Variants in LINGO1 observed in about 807,000 individuals in gnomAD.
LINGO1 encodes leucine rich repeat and Ig domain containing 1, also known as leucine-rich repeat and immunoglobulin-like domain-containing nogo receptor-interacting protein 1.
Under a neutral mutation model 37.3 loss-of-function variants are expected in LINGO1, and 11 were observed. The observed-to-expected ratio is 0.29, with a 90% confidence interval of 0.19 to 0.49. The LOEUF is 0.49. Among genes scored for constraint, LINGO1 ranks in the 20% least tolerant of loss-of-function variants. The probability of loss-of-function intolerance (pLI) is 0.99; values close to 1 mark genes in which losing one functional copy is unlikely to be tolerated. For missense variants in LINGO1, 585 were observed against 878.2 expected, an observed-to-expected ratio of 0.67 and a Z score of 4.22; for synonymous variants, 387 against 403.0, an observed-to-expected ratio of 0.96 and a Z score of 0.48.
chr15:77,679,566 T>C (rs1193353614), intron 2 of LINGO1, among the ~76,000 whole-genome samples: 1 of 152,138 alleles, frequency 6.6e-6, no homozygotes, highest in Non-Finnish European at 1.5e-5. Flanking sequence ...AGAGATGCTA[T>C]CAATACTCCC....
chr15:77,804,504 T>C (rs192634538), intron 1 of LINGO1, among the ~76,000 whole-genome samples: 1 of 152,290 alleles, frequency 6.6e-6, no homozygotes, highest in Non-Finnish European at 1.5e-5. Flanking sequence ...ACAGGCTGGA[T>C]AGGCAGAGGT....
chr15:77,621,542 G>C (rs1015589243), intron 1 of LINGO1, among the ~76,000 whole-genome samples: 1 of 152,150 alleles, frequency 6.6e-6, no homozygotes, highest in Non-Finnish European at 1.5e-5. Context: ...TGCCTGGTGC[G>C]ACACAGGGCT....
chr15:77,762,113 T>C (rs1248041490), intron 1 of LINGO1, among the ~76,000 whole-genome samples: 1 of 152,202 alleles, frequency 6.6e-6, no homozygotes, highest in African/African-American at 2.4e-5. Context: ...TGAGGCTTCC[T>C]GGTACTTGAG....
rs1465261241 is a variant in LINGO1, at chr15:77,615,324, G to T, written c.583C>A (p.Gln195Lys). ...RAFSGLNSLE[Q>K]LTLEKCNLTS... ...AGGTTGCATTTCTCCAGCGTCAGCT[G>T]CTCCAGGCTGTTGAGGCCGCTGAAG... Residue 195 changes from glutamine to lysine, a missense_variant, in exon 2 of 2, where the codon CAG (glutamine) becomes AAG (lysine). Physicochemically the swap from Gln to Lys is moderately conservative, Grantham distance 53 (BLOSUM62 1). This residue lies in a region of LINGO1 where 484 missense variants were observed against 735.0 expected (regional missense o/e 0.66). Transcript: ENST00000355300. 3.1e-6 allele frequency: 5 copies of T among 1,613,718 alleles called. No individual in the cohort carries two copies. In the African/African-American group the frequency reaches 4.0e-5, roughly 13 times the overall value.
intron 2 of LINGO1, among the ~76,000 whole-genome samples, chr15:77,681,882 C>A (rs1369961464): frequency 6.6e-6 from 1 of 152,100 alleles, no homozygotes; most frequent in Non-Finnish European, 1.5e-5. Context: ...CCCAATGAGC[C>A]CCCTGGGCTA....
intron 2 of LINGO1, among the ~76,000 whole-genome samples, chr15:77,724,459 C>T (rs1029774460): frequency 2.6e-5 from 4 of 152,232 alleles, no homozygotes; most frequent in South Asian, 2.1e-4. Context: ...CAACTAATGT[C>T]GAACACATTC....
intron 1 of LINGO1, among the ~76,000 whole-genome samples, chr15:77,775,432 A>G (rs2076627238): frequency 6.6e-6 from 1 of 151,998 alleles, no homozygotes; most frequent in South Asian, 2.1e-4. Context: ...CCTGCCTGCC[A>G]CCTCCTGTTA....
chr15:77,665,343 C>T (rs2075106872), intron 3 of LINGO1, among the ~76,000 whole-genome samples: 1 of 152,180 alleles, frequency 6.6e-6, no homozygotes, highest in Non-Finnish European at 1.5e-5. Context: ...ACCCTGACAG[C>T]TAGAGCCCTG....
chr15:77,685,492 T>C (rs559876848), intron 2 of LINGO1, among the ~76,000 whole-genome samples: 1 of 152,256 alleles, frequency 6.6e-6, no homozygotes, highest in South Asian at 2.1e-4. Context: ...ACCAGTGAAC[T>C]TGTGTGCACA....
chr15:77,691,764 T>C (rs939593871), intron 1 of LINGO1, among the ~76,000 whole-genome samples: 1 of 151,814 alleles, frequency 6.6e-6, no homozygotes, highest in Non-Finnish European at 1.5e-5. Flanking sequence ...CAAGAGAGTA[T>C]TACACAGCCA....
upstream of LINGO1, chr15:77,696,551 GCA>G (rs1226670509): frequency 6.6e-6 from 1 of 152,506 alleles, no homozygotes; most frequent in Non-Finnish European, 1.5e-5. Context: ...ATGGAGCCCA[GCA>G]CAGAGTGGAC....
chr15:77,647,451 T>C (rs2074658891), intron 3 of LINGO1, among the ~76,000 whole-genome samples: 1 of 152,064 alleles, frequency 6.6e-6, no homozygotes, highest in South Asian at 2.1e-4. Context: ...GAGGAGACAG[T>C]CTTGCAGGAG....
chr15:77,701,324 G>C (rs570354583), upstream of LINGO1, among the ~76,000 whole-genome samples: 2 of 152,270 alleles, frequency 1.3e-5, no homozygotes, highest in South Asian at 4.2e-4. Flanking sequence ...AAGGTGGTCT[G>C]GCAGCCTGAG....
At chr15:77,652,770 A>G (rs1307609028) in intron 3 of LINGO1, among the ~76,000 whole-genome samples, 4 of 152,232 alleles carry the variant, frequency 2.6e-5, no homozygotes, top group East Asian at 3.9e-4. Context: ...ACAGTGCGGG[A>G]GGAGGGAAGG....
chr15:77,705,174 G>GACACACACACACACACACAAAC (rs2075834782), intron 2 of LINGO1, among the ~76,000 whole-genome samples: 1 of 99,090 alleles, frequency 1.0e-5, no homozygotes, highest in South Asian at 3.5e-4. Context: ...CCCCTGCCAT[G>GACACACACACACACACACAAAC]ACACACACAC....
chr15:77,744,041 T>C (rs1003305566), intron 1 of LINGO1, among the ~76,000 whole-genome samples: 1 of 152,198 alleles, frequency 6.6e-6, no homozygotes, highest in Non-Finnish European at 1.5e-5. Flanking sequence ...GGTCCTGCTC[T>C]TAAAGAGCCT....
intron 3 of LINGO1, among the ~76,000 whole-genome samples, chr15:77,675,718 A>C (rs1027497315): frequency 6.6e-6 from 1 of 152,218 alleles, no homozygotes; most frequent in African/African-American, 2.4e-5. Flanking sequence ...AGATAGATAC[A>C]TACATAGATA....
chr15:77,723,500 G>C (rs1309465182), intron 2 of LINGO1, among the ~76,000 whole-genome samples: 1 of 152,202 alleles, frequency 6.6e-6, no homozygotes, highest in Non-Finnish European at 1.5e-5. Flanking sequence ...CGTGTCCCAG[G>C]CTTTACCTGC....
At chr15:77,649,376 CAT>C (rs1350002884) in intron 3 of LINGO1, 9 of 152,356 alleles carry the variant, frequency 5.9e-5, no homozygotes, top group Admixed American at 1.3e-4. Flanking sequence ...GAGACGCACA[CAT>C]GTGCAGTCAG....
Sources: allele counts gnomAD v4.1 joint callset (sites outside exome capture counted in the v4.1 genomes callset), GRCh38; gene constraint gnomAD v4.1.1; regional missense constraint gnomAD v4.1.1; transcripts MANE v1.5; gene names NCBI Gene and HGNC (gene_info 2026-07-23, HGNC 2026-07-21).